TBL1XR1: variants seen among roughly 807,000 people sequenced by gnomAD.
TBL1XR1 encodes the protein F-box-like/WD repeat-containing protein TBL1XR1.
A neutral mutation model predicts 66.9 loss-of-function variants in TBL1XR1; 5 were observed. The observed-to-expected ratio is 0.07, with a 90% CI of 0.04 to 0.16. The LOEUF (loss-of-function observed/expected upper bound fraction) is 0.16, where lower values mean the gene tolerates loss of function less well. TBL1XR1 is among the 10% of genes least tolerant of loss of function. TBL1XR1 has a pLI of 1.00. For synonymous variants in TBL1XR1, 210 were observed against 206.0 expected, an observed-to-expected ratio of 1.02 and a Z score of -0.17; for missense variants, 238 against 623.2, an observed-to-expected ratio of 0.38 and a Z score of 6.58.
Position 177,047,423 on chromosome 3 carries a change from C to A in TBL1XR1, c.767-26G>T, listed in dbSNP as rs1006935338. The A allele has an allele frequency of 5.0e-6, 8 of 1,600,484 alleles. No individual in the cohort carries two copies. In the African/African-American group the frequency reaches 1.1e-4, roughly 22 times the overall value. ...CTAAAATGCAAAAGAAAAACATTAA[C>A]ATTATTTTAAATTTTCTATCTTTAG... On this transcript the variant is annotated intron_variant, in intron 8 of 15. Transcript: ENST00000457928.
intron 1 of TBL1XR1, among the ~76,000 whole-genome samples, chr3:177,120,165 T>C (rs1467400941): frequency 1.3e-5 from 2 of 152,166 alleles, no homozygotes; most frequent in African/African-American, 2.4e-5. Context: ...TGTGATAGTA[T>C]AGGTCTTTAC....
chr3:177,178,860 G>A (rs148644947), intron 1 of TBL1XR1, among the ~76,000 whole-genome samples: 3,410 of 152,226 alleles, frequency 0.022, 137 homozygotes, highest in African/African-American at 0.078. Context: ...GTTCACGCCT[G>A]TAACCCCAGC....
chr3:177,036,284 T>G (rs977514199), intron 12 of TBL1XR1, among the ~76,000 whole-genome samples: 6 of 152,162 alleles, frequency 3.9e-5, no homozygotes, highest in African/African-American at 1.4e-4. Flanking sequence ...GAATTCCCAG[T>G]TTTTAATCTT....
intron 7 of TBL1XR1, chr3:177,048,054 A>G (rs1716558418): frequency 6.5e-6 from 1 of 152,724 alleles, no homozygotes; most frequent in African/African-American, 2.4e-5. Context: ...AGATTCTTAA[A>G]TACTTGAATG....
intron 1 of TBL1XR1, among the ~76,000 whole-genome samples, chr3:177,164,896 G>C (rs1732642797): frequency 6.6e-6 from 1 of 151,908 alleles, no homozygotes; most frequent in African/African-American, 2.4e-5. Flanking sequence ...CAGCATTGTA[G>C]GAAAAATTGT....
Position 177,049,984 on chromosome 3 carries a change from T to C in TBL1XR1, c.702+13A>G, listed in dbSNP as rs751169814. 3.1e-5 allele frequency: 50 copies of C among 1,612,568 alleles called. No individual in the cohort carries two copies. The highest frequency in any genetic ancestry group is 2.2e-4 in the East Asian group (10 of 44,844). ...CTAGTAATTATATCCATCATGGATA[T>C]AGTGATACTCACATTCCAATCTAGA... On this transcript the variant is annotated intron_variant, in intron 7 of 15. Coordinates refer to ENST00000457928, the MANE Select transcript of TBL1XR1 (RefSeq NM_024665.7).
intron 1 of TBL1XR1, among the ~76,000 whole-genome samples, chr3:177,186,462 G>C (rs1371744760): frequency 2.0e-5 from 3 of 152,100 alleles, no homozygotes; most frequent in African/African-American, 7.2e-5. Flanking sequence ...GAAACCCAAA[G>C]TAGATGAGTC....
chr3:177,028,589 T>C (rs1267807103), intron 14 of TBL1XR1, among the ~76,000 whole-genome samples: 1 of 152,138 alleles, frequency 6.6e-6, no homozygotes, highest in Non-Finnish European at 1.5e-5. Context: ...TTAGAGAAAC[T>C]ATAAAACTTT....
At chr3:177,153,387 C>A (rs948730597) in intron 1 of TBL1XR1, among the ~76,000 whole-genome samples, 1 of 152,084 alleles carries the variant, frequency 6.6e-6, no homozygotes, top group Admixed American at 6.5e-5. Context: ...CTAGTAAATA[C>A]GCATGCACAT....
intron 10 of TBL1XR1, among the ~76,000 whole-genome samples, chr3:177,041,445 C>A (rs143747898): frequency 2.0e-5 from 3 of 152,334 alleles, no homozygotes; most frequent in Middle Eastern, 3.4e-3. Flanking sequence ...TCCCTCCCCC[C>A]CATCCTGCTT....
intron 1 of TBL1XR1, among the ~76,000 whole-genome samples, chr3:177,135,399 T>A (rs1270769760): frequency 1.7e-4 from 22 of 127,218 alleles, no homozygotes; most frequent in Admixed American, 4.9e-4. Context: ...ATTTTTTTTT[T>A]AAGAGACGGA....
intron 1 of TBL1XR1, chr3:177,196,342 G>A (rs1225389093): frequency 1.3e-5 from 2 of 152,034 alleles, no homozygotes; most frequent in African/African-American, 4.8e-5. Flanking sequence ...AAACTTACCA[G>A]GAAGCTGGCA....
intron 1 of TBL1XR1, among the ~76,000 whole-genome samples, chr3:177,122,084 T>C (rs1727039813): frequency 6.6e-6 from 1 of 152,142 alleles, no homozygotes; most frequent in Non-Finnish European, 1.5e-5. Flanking sequence ...AAGCAACGTT[T>C]TATTCTATTA....
intron 2 of TBL1XR1, among the ~76,000 whole-genome samples, chr3:177,081,056 A>G (rs912202527): frequency 2.0e-5 from 3 of 152,202 alleles, no homozygotes; most frequent in Admixed American, 2.0e-4. Context: ...TGTTTTTAAA[A>G]GTTTTTCTTA....
intron 3 of TBL1XR1, among the ~76,000 whole-genome samples, chr3:177,054,672 AT>A (rs1717576192): frequency 6.6e-6 from 1 of 152,204 alleles, no homozygotes; most frequent in African/African-American, 2.4e-5. Flanking sequence ...ATATTAAAAA[AT>A]CATAACGGTT....
At chr3:177,026,063 A>G in intron 15 of TBL1XR1, 1 of 364,444 alleles carries the variant, frequency 2.7e-6, no homozygotes, top group East Asian at 6.6e-5. Flanking sequence ...AGAAGGTAGA[A>G]ATACACATTA....
intron 1 of TBL1XR1, among the ~76,000 whole-genome samples, chr3:177,171,926 TG>T (rs1185013211): frequency 2.0e-5 from 3 of 151,692 alleles, no homozygotes; most frequent in East Asian, 3.9e-4. Context: ...TGGCAAAAGG[TG>T]GAACAACTGT....
chr3:177,103,497 ATCT>A (rs1384216019), intron 1 of TBL1XR1, among the ~76,000 whole-genome samples: 1 of 152,238 alleles, frequency 6.6e-6, no homozygotes, highest in Non-Finnish European at 1.5e-5. Flanking sequence ...CTTAGCAGAC[ATCT>A]TCTAAGATCT....
At chr3:177,153,950 A>T (rs1385758398) in intron 1 of TBL1XR1, among the ~76,000 whole-genome samples, 1 of 151,738 alleles carries the variant, frequency 6.6e-6, no homozygotes, top group Non-Finnish European at 1.5e-5. Context: ...GGCTAATAAG[A>T]CAATAGTAGA....
Sources: allele counts gnomAD v4.1 joint callset (sites outside exome capture counted in the v4.1 genomes callset), GRCh38; gene constraint gnomAD v4.1.1; transcripts MANE v1.5; gene names NCBI Gene and HGNC (gene_info 2026-07-23, HGNC 2026-07-21).